The following SENP1 variants were observed in gnomAD, a reference collection of about 807,000 sequenced individuals.
SENP1 encodes the protein sentrin-specific protease 1.
SENP1 carries 21 observed loss-of-function variants against 93.0 expected under a neutral mutation model. The observed-to-expected ratio is 0.23, with a 90% confidence interval of 0.16 to 0.33. The LOEUF is 0.33. Among genes scored for constraint, SENP1 ranks in the 10% least tolerant of loss-of-function variants. The pLI is 1.00. For missense variants in SENP1, 591 were observed against 758.7 expected, an observed-to-expected ratio of 0.78 and a Z score of 2.60; for synonymous variants, 256 against 259.6, an observed-to-expected ratio of 0.99 and a Z score of 0.13.
Position 48,088,846 on chromosome 12 carries a change from G to A in SENP1, c.335C>T (p.Ser112Leu), listed in dbSNP as rs780631541. 6.2e-7 allele frequency: 1 copy of A among 1,608,422 alleles called. No individual in the cohort carries two copies. Among genetic ancestry groups the A allele is most frequent in the South Asian group, 1.1e-5 (1 of 89,662 alleles). Residue 112 changes from serine to leucine, a missense_variant, in exon 5 of 18, where the codon TCA (serine) becomes TTA (leucine). Transcript: ENST00000549518. ...TPSSSSSLQK[S>L]RNSRSLYLET... is the part of the protein sequence containing the mutation. ...GAGGTAAAGACTTCGGCTGTTTCTT[G>A]ATTTTTGTAAAGATGAGCTTGACGA...
At chr12:48,076,639 TTTGC>T (rs1944103531) in intron 6 of SENP1, among the ~76,000 whole-genome samples, 1 of 142,180 alleles carries the variant, frequency 7.0e-6, no homozygotes, top group South Asian at 2.3e-4. Context: ...ATATGTAGTT[TTTGC>T]TTTTTTTTTT....
At chr12:48,077,174 T>C (rs1374122447) in intron 6 of SENP1, among the ~76,000 whole-genome samples, 1 of 152,232 alleles carries the variant, frequency 6.6e-6, no homozygotes, top group African/African-American at 2.4e-5. Flanking sequence ...TTATATATTT[T>C]GAATATCAAC....
intron 5 of SENP1, among the ~76,000 whole-genome samples, chr12:48,086,662 G>C (rs1227956451): frequency 1.3e-5 from 2 of 152,016 alleles, no homozygotes; most frequent in African/African-American, 2.4e-5. Context: ...GTGATTTTTT[G>C]ACAAAATAAT....
intron 8 of SENP1, among the ~76,000 whole-genome samples, chr12:48,072,617 C>T (rs1408290809): frequency 1.3e-5 from 2 of 151,920 alleles, no homozygotes; most frequent in East Asian, 1.9e-4. Context: ...CACTCAGTCT[C>T]AAAAACAAAC....
At chr12:48,048,898 A>G in intron 14 of SENP1, 31 bp downstream of exon 14, 1 of 1,541,308 alleles carries the variant, frequency 6.5e-7, no homozygotes, top group Non-Finnish European at 8.9e-7. Flanking sequence ...CATAGCTTTT[A>G]CATTTTATCA....
At position 48,045,265 on chromosome 12, in the gene SENP1, G is replaced by T; in HGVS notation, c.*57C>A. On this transcript the variant is annotated 3_prime_UTR_variant, in exon 18 of 18. Coordinates refer to ENST00000549518, the MANE Select transcript of SENP1 (RefSeq NM_001267594.2). ...GCAGCTGTTTCCAAGGTCTCTGGCT[G>T]TAGACAACAAAGAGCTGGTCCCCCA... 6.9e-7 allele frequency: 1 copy of T among 1,452,806 alleles called. No homozygotes were observed. Among genetic ancestry groups the T allele is most frequent in the Non-Finnish European group, 9.7e-7 (1 of 1,035,758 alleles). 90.0% of individuals were successfully genotyped at this position (1,452,806 alleles called of 1,614,324 possible).
chr12:48,078,334 T>C (rs55815335), intron 6 of SENP1, among the ~76,000 whole-genome samples: 4,245 of 67,786 alleles, frequency 0.063, 518 homozygotes, highest in African/African-American at 0.19. Flanking sequence ...TATATATATA[T>C]ACACACACAT....
intron 3 of SENP1, among the ~76,000 whole-genome samples, chr12:48,097,495 A>C (rs1945644379): frequency 6.6e-6 from 1 of 152,202 alleles, no homozygotes. Context: ...TGTGCATATA[A>C]ATCAAATGAG....
At chr12:48,074,650 G>A (rs758544870) in intron 7 of SENP1, 40 bp downstream of exon 7, 8 of 1,606,590 alleles carry the variant, frequency 5.0e-6, no homozygotes, top group South Asian at 4.4e-5. Flanking sequence ...GTAATAAATT[G>A]TAGAATTAAA....
At chr12:48,065,335 C>A (rs1943227033) in intron 11 of SENP1, 115 bp from the exon 12 acceptor site, 11 of 861,694 alleles carry the variant, frequency 1.3e-5, no homozygotes, top group Non-Finnish European at 1.6e-5. Context: ...TGCTTAAATG[C>A]CCATTGCTTT....
At chr12:48,074,659 A>G (rs1434116180) in intron 7 of SENP1, 31 bp downstream of exon 7, 2 of 1,608,112 alleles carry the variant, frequency 1.2e-6, no homozygotes, top group South Asian at 2.2e-5. Flanking sequence ...TGTAGAATTA[A>G]ATTCATCTGA....
chr12:48,061,645 T>G (rs1314399124), intron 13 of SENP1, among the ~76,000 whole-genome samples: 1 of 152,140 alleles, frequency 6.6e-6, no homozygotes, highest in Non-Finnish European at 1.5e-5. Context: ...TGGCCTCAGG[T>G]GATCCTCTCA....
At chr12:48,082,936 A>G (rs774687354) in intron 6 of SENP1, among the ~76,000 whole-genome samples, 4 of 152,116 alleles carry the variant, frequency 2.6e-5, no homozygotes, top group Non-Finnish European at 5.9e-5. Flanking sequence ...GATGGGTCTC[A>G]CTCTGATGCC....
At chr12:48,090,758 G>C (rs942177986) in intron 4 of SENP1, among the ~76,000 whole-genome samples, 2 of 151,952 alleles carry the variant, frequency 1.3e-5, no homozygotes, top group African/African-American at 4.8e-5. Flanking sequence ...CATCATACAT[G>C]CCTAATTTTT....
chr12:48,048,952 G>A lies in SENP1; in HGVS notation c.1588C>T (p.Leu530=). Residue 530 remains leucine (L), a synonymous_variant, in exon 14 of 18, where the codon CTG becomes TTG. Coordinates refer to ENST00000549518, the MANE Select transcript of SENP1 (RefSeq NM_001267594.2). The stretch of plus-strand genomic sequence containing the variant: ...ACAGCTAGACACCAGTGTACTCCCA[G>A]GTGAATGGGCACCAAAAGAATGTCA... ...SVDILLVPIH[L]GVHWCLAVVD... 1 of 1,613,524 alleles carries A rather than the reference G, an allele frequency of 6.2e-7. No individual in the cohort carries two copies. Among genetic ancestry groups the A allele is most frequent in the Non-Finnish European group, 8.5e-7 (1 of 1,179,608 alleles).
rs554539522 is a variant in SENP1, at chr12:48,093,971, T to A, written c.220+2372A>T. ...AGTGAGACCCTGTCTCAAAAAAAAT[T>A]AAAATAAAAATACTGAGTTAAAAAA... is the stretch of plus-strand genomic sequence containing the variant. On this transcript the variant is annotated intron_variant, in intron 4 of 17. Transcript: ENST00000549518. 3.0e-4 allele frequency among the ~76,000 whole-genome samples: 45 copies of A among 152,002 alleles called. No individual in the cohort carries two copies. In the South Asian group the frequency reaches 9.4e-3, roughly 32 times the overall value.
At position 48,056,407 on chromosome 12, in the gene SENP1, ATTAT is replaced by A. The variant is rs1240880391; in HGVS notation, c.1408-7279_1408-7276del. On this transcript the variant is annotated intron_variant, in intron 13 of 17. Transcript: ENST00000549518. ...TAATATAGTACATATTACATATATA[ATTAT>A]TTAATATAGTACATATTACATATAT... Among the ~76,000 whole-genome samples, 8 of 82,344 alleles carry A rather than the reference ATTAT, an allele frequency of 9.7e-5. No individual in the cohort carries two copies. The South Asian group carries it at 2.3e-3, about 24-fold the overall frequency. 54.0% of individuals were successfully genotyped at this position (82,344 alleles called of 152,430 possible). A position where few individuals can be genotyped will look rare whatever the true frequency, so the allele number is the denominator to read the frequency against.
At position 48,046,462 on chromosome 12, in the gene SENP1, A is replaced by G. The variant is rs764189177; in HGVS notation, c.1777-11T>C. 6 of 1,571,072 alleles carry G rather than the reference A, an allele frequency of 3.8e-6. No individual in the cohort carries two copies. The East Asian group carries it at 1.3e-4, about 35-fold the overall frequency. ...CTGCTGAGGAATCTCCTGGAAGACC[A>G]ACAACAAAAAAAATGACATCTTTCC... On this transcript the variant is annotated splice_polypyrimidine_tract_variant and intron_variant, in intron 16 of 17. Coordinates refer to ENST00000549518, the MANE Select transcript of SENP1 (RefSeq NM_001267594.2).
rs1329277612 is a variant in SENP1, at chr12:48,102,451, A to C, written c.-44-935T>G. Among the ~76,000 whole-genome samples, 23 of 150,440 alleles carry C rather than the reference A, an allele frequency of 1.5e-4. No homozygotes were observed. The South Asian group carries it at 3.4e-3, about 22-fold the overall frequency. On this transcript the variant is annotated intron_variant, in intron 1 of 17. Coordinates refer to ENST00000549518, the MANE Select transcript of SENP1 (RefSeq NM_001267594.2). Reference sequence around the variant, plus strand: ...TGTCTCAAAAAAAAAAAAAAAAAAAAAAACCAAACACAAAAACACAACCAA... The same window carrying C: ...TGTCTCAAAAAAAAAAAAAAAAAAACAAACCAAACACAAAAACACAACCAA...
Sources: gnomAD v4.1 joint callset for allele counts (sites outside exome capture counted in the v4.1 genomes callset) on GRCh38, gnomAD v4.1.1 for gene constraint, MANE v1.5 for transcripts, NCBI Gene and HGNC (gene_info 2026-07-23, HGNC 2026-07-21) for gene names.